The following NCAM2 variants were observed in gnomAD, a reference collection of about 807,000 sequenced individuals.
The protein encoded by NCAM2 is neural cell adhesion molecule 2.
In NCAM2, 30 loss-of-function variants were observed where a neutral mutation model predicts 98.1. The observed-to-expected ratio is 0.31, with a 90% CI of 0.23 to 0.41. The LOEUF is 0.41. NCAM2 is among the 10% of genes least tolerant of loss of function. The pLI, the probability that NCAM2 is intolerant of heterozygous loss-of-function variation, is 1.00. For missense variants in NCAM2, 867 were observed against 1,005.8 expected, an observed-to-expected ratio of 0.86 and a Z score of 1.87; for synonymous variants, 368 against 342.4, an observed-to-expected ratio of 1.07 and a Z score of -0.83.
chr21:21,095,681 GAAGC>G lies in NCAM2; in HGVS notation c.55+97067_55+97070del, dbSNP rs541510531. Among the ~76,000 whole-genome samples the G allele has an allele frequency of 9.9e-5, 15 of 151,600 alleles. No individual in the cohort carries two copies. In the East Asian group the frequency reaches 2.9e-3, roughly 29 times the overall value. ...TTGAATACCTCAGAAAAAATAACTAGAAGCAAGGACCTGTGAATATAATAAAAAC... is the reference window on the plus strand; with the variant it reads ...TTGAATACCTCAGAAAAAATAACTAGAAGGACCTGTGAATATAATAAAAAC... On this transcript the variant is annotated intron_variant, in intron 1 of 17. Transcript: ENST00000400546.
At chr21:21,392,263 C>A (rs1242947944) in intron 9 of NCAM2, among the ~76,000 whole-genome samples, 1 of 152,126 alleles carries the variant, frequency 6.6e-6, no homozygotes, top group East Asian at 1.9e-4. Flanking sequence ...CATCTATGTC[C>A]CTGCAGAGGA....
chr21:21,084,446 C>T (rs537012457), intron 1 of NCAM2, among the ~76,000 whole-genome samples: 7 of 152,270 alleles, frequency 4.6e-5, no homozygotes, highest in African/African-American at 1.7e-4. Flanking sequence ...TCATTTGTCT[C>T]CTTCCTAACC....
intron 1 of NCAM2, among the ~76,000 whole-genome samples, chr21:21,075,629 T>G (rs8128748): frequency 0.037 from 5,639 of 152,234 alleles, 328 homozygotes; most frequent in African/African-American, 0.13. Flanking sequence ...ATGAGGAAAT[T>G]TCCTTTTATT....
chr21:21,295,505 G>A (rs758363405), intron 5 of NCAM2, among the ~76,000 whole-genome samples: 10 of 151,876 alleles, frequency 6.6e-5, no homozygotes, highest in Middle Eastern at 3.4e-3. Context: ...TCACCCAGTC[G>A]ATCATGTGAC....
intron 1 of NCAM2, among the ~76,000 whole-genome samples, chr21:21,202,733 C>G (rs779739397): frequency 6.6e-5 from 10 of 151,954 alleles, no homozygotes; most frequent in Non-Finnish European, 1.5e-4. Flanking sequence ...TGTTTTTATG[C>G]TATAAAAAGT....
intron 1 of NCAM2, among the ~76,000 whole-genome samples, chr21:21,275,714 T>G (rs1454954457): frequency 1.3e-5 from 2 of 152,136 alleles, no homozygotes; most frequent in Non-Finnish European, 2.9e-5. Flanking sequence ...CTTGAATCTT[T>G]TCTTACATCT....
At chr21:21,328,594 T>A (rs549807390) in intron 6 of NCAM2, among the ~76,000 whole-genome samples, 1 of 150,356 alleles carries the variant, frequency 6.7e-6, no homozygotes, top group Non-Finnish European at 1.5e-5. Context: ...AAAAAAAAAA[T>A]TAGTGATAAA....
chr21:20,998,472 C>T lies in NCAM2; in HGVS notation c.-92C>T, dbSNP rs2063958221. 2 of 1,334,922 alleles carry T rather than the reference C, an allele frequency of 1.5e-6. No homozygotes were observed. Among genetic ancestry groups the T allele is most frequent in the Non-Finnish European group, 1.0e-6 (1 of 965,310 alleles). 82.7% of individuals were successfully genotyped at this position (1,334,922 alleles called of 1,614,324 possible). ...GGCACCGCGGGAGCGGCGGCGGCGGCTCTAGCAGAGGCGGCCGGGGCAGCG... is the reference window on the plus strand; with the variant it reads ...GGCACCGCGGGAGCGGCGGCGGCGGTTCTAGCAGAGGCGGCCGGGGCAGCG... On this transcript the variant is annotated 5_prime_UTR_variant, in exon 1 of 18. Transcript: ENST00000400546.
chr21:21,039,396 A>T (rs1454667064), intron 1 of NCAM2, among the ~76,000 whole-genome samples: 1 of 152,184 alleles, frequency 6.6e-6, no homozygotes, highest in Non-Finnish European at 1.5e-5. Context: ...TGGGTGACTA[A>T]TATTAACATC....
intron 1 of NCAM2, among the ~76,000 whole-genome samples, chr21:21,077,686 T>C (rs1352987541): frequency 1.3e-5 from 2 of 152,150 alleles, no homozygotes; most frequent in East Asian, 3.9e-4. Context: ...AGGCAGTAAC[T>C]CAAAATTTTA....
chr21:21,121,863 G>A (rs965630884), intron 1 of NCAM2, among the ~76,000 whole-genome samples: 1 of 152,194 alleles, frequency 6.6e-6, no homozygotes, highest in African/African-American at 2.4e-5. Context: ...TGATACCACA[G>A]CCGAAGGCTC....
intron 8 of NCAM2, among the ~76,000 whole-genome samples, chr21:21,370,081 GC>G (rs934111092): frequency 1.5e-4 from 22 of 151,636 alleles, no homozygotes; most frequent in African/African-American, 5.3e-4. Context: ...TTTTGCAATT[GC>G]CCCCTAAAAT....
chr21:21,371,037 A>G (rs920314066), intron 8 of NCAM2, among the ~76,000 whole-genome samples: 1 of 151,868 alleles, frequency 6.6e-6, no homozygotes, highest in African/African-American at 2.4e-5. Flanking sequence ...GACATCATTT[A>G]CACTGCTGGG....
At chr21:21,479,725 T>C (rs896415837) in intron 15 of NCAM2, among the ~76,000 whole-genome samples, 3 of 150,880 alleles carry the variant, frequency 2.0e-5, no homozygotes, top group Non-Finnish European at 3.0e-5. Context: ...TCATTTCCTC[T>C]CTCTCTATAT....
intron 15 of NCAM2, among the ~76,000 whole-genome samples, chr21:21,492,133 T>TTTC (rs1274406898): frequency 1.3e-5 from 2 of 151,764 alleles, no homozygotes; most frequent in South Asian, 2.1e-4. Flanking sequence ...CCAAACTCTA[T>TTTC]TATTTTATTA....
chr21:21,452,178 A>G (rs925036366), intron 12 of NCAM2, among the ~76,000 whole-genome samples: 17 of 150,350 alleles, frequency 1.1e-4, no homozygotes, highest in Non-Finnish European at 2.2e-4. Context: ...CCACACACAC[A>G]CACACACACA....
chr21:21,477,516 T>C lies in NCAM2; in HGVS notation c.2077+45T>C, dbSNP rs773872035. 10 of 1,387,066 alleles carry C rather than the reference T, an allele frequency of 7.2e-6. No individual in the cohort carries two copies. In the East Asian group the frequency reaches 2.5e-4, roughly 34 times the overall value. The allele number at this position is 1,387,066 out of a possible 1,614,324, so 85.9% of individuals were successfully genotyped here. Reference sequence around the variant, plus strand: ...TTTTTAGACTGAACAATAAATATGATACCACCTTTTTATAACCCTTACTGA... The same window carrying C: ...TTTTTAGACTGAACAATAAATATGACACCACCTTTTTATAACCCTTACTGA... On this transcript the variant is annotated intron_variant, in intron 15 of 17. Transcript: ENST00000400546.
intron 1 of NCAM2, among the ~76,000 whole-genome samples, chr21:21,117,116 A>T (rs2066579097): frequency 6.6e-6 from 1 of 152,220 alleles, no homozygotes. Flanking sequence ...CATCACAATC[A>T]AATTAATATA....
chr21:21,298,954 T>G (rs920770302), intron 5 of NCAM2, among the ~76,000 whole-genome samples: 1 of 151,224 alleles, frequency 6.6e-6, no homozygotes, highest in Admixed American at 6.6e-5. Context: ...GGGGCTGACC[T>G]TTGTATGTTG....
Sources: gnomAD v4.1 joint callset for allele counts (sites outside exome capture counted in the v4.1 genomes callset) on GRCh38, gnomAD v4.1.1 for gene constraint, MANE v1.5 for transcripts, NCBI Gene and HGNC (gene_info 2026-07-23, HGNC 2026-07-21) for gene names.